The following DCAF5 variants were observed in gnomAD, a reference collection of about 807,000 sequenced individuals.
DCAF5 encodes DDB1 and CUL4 associated factor 5, also known as DDB1- and CUL4-associated factor 5.
A neutral mutation model predicts 80.7 loss-of-function variants in DCAF5; 9 were observed. That is an observed-to-expected ratio of 0.11 (90% confidence interval 0.07 to 0.19). The LOEUF (loss-of-function observed/expected upper bound fraction) is 0.19. Among genes scored for constraint, DCAF5 ranks in the 10% least tolerant of loss-of-function variants. The probability of loss-of-function intolerance (pLI) is 1.00; values close to 1 mark genes in which losing one functional copy is unlikely to be tolerated. For missense variants in DCAF5, 842 were observed against 1,205.7 expected, an observed-to-expected ratio of 0.70 and a Z score of 4.47; for synonymous variants, 433 against 461.9, an observed-to-expected ratio of 0.94 and a Z score of 0.80.
chr14:69,114,317 G>A (rs1213512509), intron 5 of DCAF5, among the ~76,000 whole-genome samples: 1 of 152,150 alleles, frequency 6.6e-6, no homozygotes, highest in Non-Finnish European at 1.5e-5. Context: ...ACCAAAAACT[G>A]GAAACAAGAA....
intron 1 of DCAF5, among the ~76,000 whole-genome samples, chr14:69,128,666 G>A (rs1160399510): frequency 6.6e-6 from 1 of 152,184 alleles, no homozygotes; most frequent in Non-Finnish European, 1.5e-5. Flanking sequence ...TACTGGGGAG[G>A]ATGAGGCAGG....
intron 1 of DCAF5, among the ~76,000 whole-genome samples, chr14:69,151,696 G>C (rs916176932): frequency 1.3e-5 from 2 of 152,102 alleles, no homozygotes; most frequent in Middle Eastern, 3.2e-3. Context: ...CCAGGGAGGA[G>C]GGGACGACGG....
rs1356636467 is a variant in DCAF5 at position 69,052,732 on chromosome 14, C to A, written c.*1125G>T. On this transcript the variant is annotated 3_prime_UTR_variant, in exon 9 of 9. Coordinates refer to ENST00000341516, the MANE Select transcript of DCAF5 (RefSeq NM_003861.3). ...CCTAATAGACCTACTCAATAAGAAT[C>A]TGTTACCTTGAGATGCCTACTGCTC... is the stretch of plus-strand genomic sequence containing the variant. 1.3e-5 allele frequency: 2 copies of A among 152,208 alleles called. No homozygotes were observed. Among genetic ancestry groups the A allele is most frequent in the African/African-American group, 4.8e-5 (2 of 41,442 alleles). 9.4% of individuals were successfully genotyped at this position (152,208 alleles called of 1,614,324 possible). A position where few individuals can be genotyped will look rare whatever the true frequency, so the allele number is the denominator to read the frequency against.
At position 69,053,715 on chromosome 14, in the gene DCAF5, G is replaced by A; in HGVS notation, c.*142C>T. On this transcript the variant is annotated 3_prime_UTR_variant, in exon 9 of 9. Coordinates refer to ENST00000341516, the MANE Select transcript of DCAF5 (RefSeq NM_003861.3). Reference sequence around the variant, plus strand: ...ACCCGTTGTTGAATGTTGGATAGAAGGGAGCAGCATCAGACACAAAATTTC... The same window carrying A: ...ACCCGTTGTTGAATGTTGGATAGAAAGGAGCAGCATCAGACACAAAATTTC... 1 of 724,264 alleles carries A rather than the reference G, an allele frequency of 1.4e-6. No homozygotes were observed. The highest frequency in any genetic ancestry group is 2.0e-5 in the South Asian group (1 of 49,646). 44.9% of individuals were successfully genotyped at this position (724,264 alleles called of 1,614,324 possible).
intron 6 of DCAF5, chr14:69,084,001 A>G (rs1461652361): frequency 7.7e-6 from 6 of 781,968 alleles, no homozygotes; most frequent in Admixed American, 1.7e-5. Flanking sequence ...ATTCAGCATA[A>G]AAGTATCAGA....
At position 69,054,246 on chromosome 14, in the gene DCAF5, T is replaced by C; in HGVS notation, c.2440A>G (p.Arg814Gly). 6.2e-7 allele frequency: 1 copy of C among 1,614,240 alleles called. No individual in the cohort carries two copies. Among genetic ancestry groups the C allele is most frequent in the Non-Finnish European group, 8.5e-7 (1 of 1,180,032 alleles). Residue 814 changes from arginine (R) to glycine (G), a missense_variant, in exon 9 of 9, where the codon AGG (arginine) becomes GGG (glycine). Arg to Gly is a moderately radical substitution (Grantham distance 125, BLOSUM62 -2). Around this residue, in one of 5 missense-constraint regions of DCAF5, gnomAD observed 607 missense variants for 656.6 expected, o/e 0.92. Transcript: ENST00000341516. ...TLNSGSGNCP[R>G]TQSDDSEERS... The stretch of plus-strand genomic sequence containing the variant: ...TCCTCACTGTCATCAGACTGGGTCC[T>C]GGGACAGTTGCCAGACCCGCTGTTG...
rs1423104599 is a variant in DCAF5 at position 69,118,048 on chromosome 14, C to A, written c.535+91G>T. The A allele has an allele frequency of 2.6e-6, 4 of 1,534,106 alleles. No individual in the cohort carries two copies. The Admixed American group carries it at 6.9e-5, about 26-fold the overall frequency. ...TTCCTTTCCCTTGACATCACTTGCACATAGATACTGAGGTAATAAATTGGA... is the reference window on the plus strand; with the variant it reads ...TTCCTTTCCCTTGACATCACTTGCAAATAGATACTGAGGTAATAAATTGGA... On this transcript the variant is annotated intron_variant, in intron 4 of 8. Coordinates refer to ENST00000341516, the MANE Select transcript of DCAF5 (RefSeq NM_003861.3). The surrounding 1 kb of genome is among the most constrained non-coding windows in gnomAD (Gnocchi z 4.0).
chr14:69,109,367 A>G (rs1346581451), intron 5 of DCAF5, among the ~76,000 whole-genome samples: 2 of 152,020 alleles, frequency 1.3e-5, no homozygotes, highest in Non-Finnish European at 1.5e-5. Flanking sequence ...ACAACATAAT[A>G]TGATAACATG....
At chr14:69,059,394 C>T (rs147853669) in intron 8 of DCAF5, among the ~76,000 whole-genome samples, 1 of 152,246 alleles carries the variant, frequency 6.6e-6, no homozygotes, top group East Asian at 1.9e-4. Context: ...CAGGCTGGAC[C>T]AGAATGTGGT....
intron 2 of DCAF5, among the ~76,000 whole-genome samples, chr14:69,120,285 T>C (rs1446687411): frequency 2.0e-5 from 3 of 152,036 alleles, no homozygotes; most frequent in Non-Finnish European, 4.4e-5. Flanking sequence ...AGATCTAACA[T>C]GTTGGGGTCT....
Position 69,116,393 on chromosome 14 carries a change from C to T in DCAF5, c.638G>A (p.Gly213Glu). Reference sequence around the variant, plus strand: ...CTGAGGTTTTCGAATGTCCCAGAGTCCCACTCCTTCCTTTGAATTGGCTGT... The same window carrying T: ...CTGAGGTTTTCGAATGTCCCAGAGTTCCACTCCTTCCTTTGAATTGGCTGT... Reference protein sequence around the residue: ...LATANSKEGVGLWDIRKPQSS... With the variant: ...LATANSKEGVELWDIRKPQSS... Residue 213 changes from glycine to glutamate, a missense_variant, in exon 5 of 9, where the codon GGA becomes GAA. Gly to Glu is a moderately conservative substitution (Grantham distance 98). Around this residue, in one of 5 missense-constraint regions of DCAF5, gnomAD observed 142 missense variants for 311.9 expected, o/e 0.46. Transcript: ENST00000341516. 6.2e-7 allele frequency: 1 copy of T among 1,613,454 alleles called. No individual in the cohort carries two copies. Among genetic ancestry groups the T allele is most frequent in the Non-Finnish European group, 8.5e-7 (1 of 1,179,538 alleles).
In DCAF5 at chr14:69,152,994, G is replaced by A. The variant is rs182272156; in HGVS notation, c.-16C>T. ...TCCTCTTCATGCTGGAACCGCCGCC[G>A]CCGCCGCTCGCGCCGCCGCCCCTCC... On this transcript the variant is annotated 5_prime_UTR_variant, in exon 1 of 9. Transcript: ENST00000341516. This position sits in a 1 kb window ranked among gnomAD's most constrained non-coding sequence, Gnocchi z 4.1. The A allele has an allele frequency of 1.9e-6, 3 of 1,539,824 alleles. No individual in the cohort carries two copies. Among genetic ancestry groups the A allele is most frequent in the Non-Finnish European group, 2.6e-6 (3 of 1,149,266 alleles).
At chr14:69,076,284 C>G (rs1040774501) in intron 6 of DCAF5, among the ~76,000 whole-genome samples, 2 of 152,146 alleles carry the variant, frequency 1.3e-5, no homozygotes, top group African/African-American at 4.8e-5. Context: ...CAATTACAAT[C>G]CTAGGTATAT....
chr14:69,072,186 AACTG>A (rs1253956572), intron 7 of DCAF5, among the ~76,000 whole-genome samples: 2 of 152,250 alleles, frequency 1.3e-5, no homozygotes, highest in African/African-American at 4.8e-5. Flanking sequence ...TCTTTTGGGA[AACTG>A]ACTGATTTCA....
At chr14:69,131,872 A>C (rs2041049186) in intron 1 of DCAF5, among the ~76,000 whole-genome samples, 1 of 151,948 alleles carries the variant, frequency 6.6e-6, no homozygotes. Flanking sequence ...TATCTCCAGA[A>C]CTACCCCTTC....
intron 7 of DCAF5, among the ~76,000 whole-genome samples, chr14:69,063,977 T>C (rs767645189): frequency 1.3e-5 from 2 of 152,150 alleles, no homozygotes; most frequent in African/African-American, 4.8e-5. Context: ...AGTTTGCTAA[T>C]AAACCATAAA....
Position 69,118,852 on chromosome 14 carries a change from C to G in DCAF5, c.395+342G>C, listed in dbSNP as rs982366265. Among the ~76,000 whole-genome samples, 6 of 152,122 alleles carry G rather than the reference C, an allele frequency of 3.9e-5. No individual in the cohort carries two copies. Among genetic ancestry groups the G allele is most frequent in the Non-Finnish European group, 7.4e-5 (5 of 68,024 alleles). Reference sequence around the variant, plus strand: ...TGAGGATTAAATGAATGAATATGTACAAAGCATTTACAATGGTGTCTGGCA... The same window carrying G: ...TGAGGATTAAATGAATGAATATGTAGAAAGCATTTACAATGGTGTCTGGCA... On this transcript the variant is annotated intron_variant, in intron 3 of 8. Coordinates refer to ENST00000341516, the MANE Select transcript of DCAF5 (RefSeq NM_003861.3). This position sits in a 1 kb window ranked among gnomAD's most constrained non-coding sequence, Gnocchi z 4.0.
At chr14:69,144,508 C>T (rs985960377) in intron 1 of DCAF5, among the ~76,000 whole-genome samples, 3 of 151,510 alleles carry the variant, frequency 2.0e-5, no homozygotes, top group African/African-American at 7.3e-5. Flanking sequence ...GGAGGTGGAG[C>T]TTGCAGTGAG....
chr14:69,143,423 G>C (rs937442102), intron 1 of DCAF5, among the ~76,000 whole-genome samples: 3 of 151,968 alleles, frequency 2.0e-5, no homozygotes, highest in African/African-American at 7.3e-5. Context: ...GTAATATAAG[G>C]ATAATAATAC....
Sources: allele counts gnomAD v4.1 joint callset (sites outside exome capture counted in the v4.1 genomes callset), GRCh38; gene constraint gnomAD v4.1.1; regional missense constraint gnomAD v4.1.1; non-coding constraint Gnocchi (gnomAD v3.1); transcripts MANE v1.5; gene names NCBI Gene and HGNC (gene_info 2026-07-23, HGNC 2026-07-21).